GLIPR2: variants seen among roughly 807,000 people sequenced by gnomAD.
GLIPR2 encodes Golgi-associated plant pathogenesis-related protein 1.
In GLIPR2, 21 loss-of-function variants were observed where a neutral mutation model predicts 20.4. The ratio of observed to expected loss-of-function variants is 1.03; its 90% CI spans 0.73 to 1.48. GLIPR2 has a LOEUF of 1.48. Among genes scored for constraint, GLIPR2 ranks in the 40% most tolerant of loss-of-function variants. The probability of loss-of-function intolerance (pLI) is 0.00; values close to 1 mark genes in which losing one functional copy is unlikely to be tolerated. For synonymous variants in GLIPR2, 91 were observed against 80.5 expected (o/e 1.13, Z -0.70); for missense variants, 205 against 200.1 (o/e 1.02, Z -0.15).
intron 3 of GLIPR2, among the ~76,000 whole-genome samples, chr9:36,150,343 A>T (rs1051225573): frequency 6.6e-6 from 1 of 152,164 alleles, no homozygotes; most frequent in African/African-American, 2.4e-5. Context: ...ACGCCTGCCC[A>T]TATCAACACG....
Position 36,163,861 on chromosome 9 carries a change from C to G in GLIPR2, c.*1339C>G, listed in dbSNP as rs1326694478. ...TCTCAAGCTATGCCTCTAATTTCACCAGGGATATTGACTAAGAAGACAATA... is the reference window on the plus strand; with the variant it reads ...TCTCAAGCTATGCCTCTAATTTCACGAGGGATATTGACTAAGAAGACAATA... On this transcript the variant is annotated 3_prime_UTR_variant, in exon 5 of 5. Coordinates refer to ENST00000377960, the MANE Select transcript of GLIPR2 (RefSeq NM_022343.4). The G allele has an allele frequency of 1.3e-5, 2 of 152,696 alleles. No homozygotes were observed. The highest frequency in any genetic ancestry group is 4.8e-5 in the African/African-American group (2 of 41,464). The allele number at this position is 152,696 out of a possible 1,614,324, so 9.5% of individuals were successfully genotyped here.
intron 1 of GLIPR2, 137 bp from the exon 2 acceptor site, chr9:36,147,649 T>G (rs1587138013): frequency 1.5e-6 from 1 of 669,394 alleles, no homozygotes; most frequent in Non-Finnish European, 2.8e-6. Context: ...TTGGCTGGGG[T>G]GCCAGGTGTT....
intron 1 of GLIPR2, among the ~76,000 whole-genome samples, chr9:36,147,226 C>G (rs1256248401): frequency 6.6e-6 from 1 of 152,210 alleles, no homozygotes; most frequent in Non-Finnish European, 1.5e-5. Context: ...TTGTCTGTCT[C>G]TCTGTCTCCT....
At chr9:36,152,423 C>CGT (rs376556092) in intron 4 of GLIPR2, among the ~76,000 whole-genome samples, 3 of 152,072 alleles carry the variant, frequency 2.0e-5, no homozygotes, top group African/African-American at 4.8e-5. Context: ...TAGCACTCTG[C>CGT]GTGTGTGTGT....
chr9:36,162,467 G>A lies in GLIPR2; in HGVS notation c.410G>A (p.Gly137Glu), dbSNP rs1476929723. 1 of 1,614,174 alleles carries A rather than the reference G, an allele frequency of 6.2e-7. No homozygotes were observed. The highest frequency in any genetic ancestry group is 1.3e-5 in the African/African-American group (1 of 75,066). ...GTGGTGGCCAGATACTTCCCAGCGG[G>A]GAATGTTGTCAATGAGGGCTTCTTC... The part of the protein sequence containing the change: ...SFVVARYFPA[G>E]NVVNEGFFEE... Residue 137 changes from glycine to glutamate, a missense_variant, in exon 5 of 5, where the codon GGG becomes GAG. Coordinates refer to ENST00000377960, the MANE Select transcript of GLIPR2 (RefSeq NM_022343.4).
chr9:36,153,492 TC>T (rs956797449), intron 4 of GLIPR2, among the ~76,000 whole-genome samples: 1 of 152,120 alleles, frequency 6.6e-6, no homozygotes, highest in East Asian at 1.9e-4. Context: ...CCCTTAAAGA[TC>T]TTCATGCCCA....
At chr9:36,149,793 C>T (rs980752404) in intron 3 of GLIPR2, among the ~76,000 whole-genome samples, 14 of 152,264 alleles carry the variant, frequency 9.2e-5, no homozygotes, top group African/African-American at 2.4e-5. Context: ...TTTGGGAGGC[C>T]GAGGTGGGTG....
At chr9:36,153,833 G>A (rs2381436) in intron 4 of GLIPR2, among the ~76,000 whole-genome samples, 119,192 of 151,582 alleles carry the variant, frequency 0.79, 46,968 homozygotes, top group East Asian at 0.85. Flanking sequence ...CCCTGGAGGC[G>A]GAGGTTGTGG....
chr9:36,159,615 A>G (rs1265834587), intron 4 of GLIPR2, among the ~76,000 whole-genome samples: 1 of 152,180 alleles, frequency 6.6e-6, no homozygotes, highest in East Asian at 1.9e-4. Flanking sequence ...AGAATGGTAC[A>G]TAGGGGAAAA....
In GLIPR2 at chr9:36,136,950, G is replaced by C; in HGVS notation, c.13+159G>C. 1 of 865,644 alleles carries C rather than the reference G, an allele frequency of 1.2e-6. No individual in the cohort carries two copies. The highest frequency in any genetic ancestry group is 1.7e-5 in the African/African-American group (1 of 57,278). The allele number at this position is 865,644 out of a possible 1,614,324, so 53.6% of individuals were successfully genotyped here. On this transcript the variant is annotated intron_variant, in intron 1 of 4. Coordinates refer to ENST00000377960, the MANE Select transcript of GLIPR2 (RefSeq NM_022343.4). This position sits in a 1 kb window ranked among gnomAD's most constrained non-coding sequence, Gnocchi z 4.3. ...CGGAGCGCCCCGGCGCGGTTTCCGGGGAACCCGGGGGGAAGGCGAGCCCGA... is the reference window on the plus strand; with the variant it reads ...CGGAGCGCCCCGGCGCGGTTTCCGGCGAACCCGGGGGGAAGGCGAGCCCGA...
At chr9:36,156,392 A>C (rs1246624738) in intron 4 of GLIPR2, among the ~76,000 whole-genome samples, 2 of 92,396 alleles carry the variant, frequency 2.2e-5, no homozygotes, top group Non-Finnish European at 5.0e-5. Context: ...GTCTAAAAAA[A>C]AAAAAAAAAA....
Position 36,154,083 on chromosome 9 carries a change from T to TA in GLIPR2, c.304+3134_304+3135insA, listed in dbSNP as rs1554646384. Among the ~76,000 whole-genome samples the TA allele has an allele frequency of 3.5e-5, 3 of 85,664 alleles. No homozygotes were observed. The South Asian group carries it at 1.4e-3, about 40-fold the overall frequency. 56.2% of individuals were successfully genotyped at this position (85,664 alleles called of 152,430 possible). On this transcript the variant is annotated intron_variant, in intron 4 of 4. Coordinates refer to ENST00000377960, the MANE Select transcript of GLIPR2 (RefSeq NM_022343.4). Reference sequence around the variant, plus strand: ...TATATTATATATTATATATTATATATTATATATATATATCTTTTCCCCCCC... The same window carrying TA: ...TATATTATATATTATATATTATATATATATATATATATATCTTTTCCCCCCC...
intron 3 of GLIPR2, among the ~76,000 whole-genome samples, chr9:36,149,361 C>T (rs1034722454): frequency 4.6e-5 from 7 of 152,208 alleles, no homozygotes; most frequent in Non-Finnish European, 1.0e-4. Flanking sequence ...GGAGATCCCC[C>T]AAGTCCTCTT....
chr9:36,162,513 G>A lies in GLIPR2; in HGVS notation c.456G>A (p.Pro152=), dbSNP rs372441239. 181 of 1,614,044 alleles carry A rather than the reference G, an allele frequency of 1.1e-4. No individual in the cohort carries two copies. Among genetic ancestry groups the A allele is most frequent in the Non-Finnish European group, 1.4e-4 (166 of 1,180,028 alleles). Residue 152 remains proline (P), a synonymous_variant, in exon 5 of 5, where the codon CCG becomes CCA. Transcript: ENST00000377960. ...EGFFEENVLP[P]KK is the part of the protein sequence containing the mutation. Reference sequence around the variant, plus strand: ...TCTTCGAAGAAAACGTCCTGCCGCCGAAGAAGTAACTTGTTAAATGTAATG... The same window carrying A: ...TCTTCGAAGAAAACGTCCTGCCGCCAAAGAAGTAACTTGTTAAATGTAATG...
rs781281947 is a variant in GLIPR2 at position 36,162,393 on chromosome 9, C to G, written c.336C>G (p.Thr112=). ...GHFTAMVWKN[T]KKMGVGKASA... is the part of the protein sequence containing the mutation. Reference sequence around the variant, plus strand: ...TCACGGCCATGGTATGGAAGAACACCAAGAAGATGGGCGTGGGGAAGGCGT... The same window carrying G: ...TCACGGCCATGGTATGGAAGAACACGAAGAAGATGGGCGTGGGGAAGGCGT... Residue 112 remains threonine, a synonymous_variant, in exon 5 of 5, where the codon ACC becomes ACG. Coordinates refer to ENST00000377960, the MANE Select transcript of GLIPR2 (RefSeq NM_022343.4). 13 of 1,613,788 alleles carry G rather than the reference C, an allele frequency of 8.1e-6. No homozygotes were observed. Among genetic ancestry groups the G allele is most frequent in the East Asian group, 2.2e-5 (1 of 44,886 alleles).
At chr9:36,156,952 A>G (rs1825860306) in intron 4 of GLIPR2, among the ~76,000 whole-genome samples, 1 of 152,238 alleles carries the variant, frequency 6.6e-6, no homozygotes, top group African/African-American at 2.4e-5. Flanking sequence ...ACTTAGCATC[A>G]TGTTTTCAAG....
chr9:36,161,052 GAAAAGA>G (rs553481991), intron 4 of GLIPR2, among the ~76,000 whole-genome samples: 5 of 151,784 alleles, frequency 3.3e-5, no homozygotes, highest in African/African-American at 9.7e-5. Context: ...AAAAAAAAAA[GAAAAGA>G]AAAAGAAAAT....
chr9:36,157,151 G>T (rs1373940852), intron 4 of GLIPR2, among the ~76,000 whole-genome samples: 3 of 150,572 alleles, frequency 2.0e-5, no homozygotes, highest in Non-Finnish European at 4.4e-5. Flanking sequence ...TGAGTAGCTG[G>T]GATTATAGGC....
chr9:36,137,221 C>A (rs1271814804), intron 1 of GLIPR2, among the ~76,000 whole-genome samples: 1 of 152,114 alleles, frequency 6.6e-6, no homozygotes, highest in African/African-American at 2.4e-5. Context: ...CCTGAGCGCC[C>A]GCGCCGTGCC....
Sources: gnomAD v4.1 joint callset for allele counts (sites outside exome capture counted in the v4.1 genomes callset) on GRCh38, gnomAD v4.1.1 for gene constraint, Gnocchi (gnomAD v3.1) non-coding constraint, MANE v1.5 for transcripts, NCBI Gene and HGNC (gene_info 2026-07-23, HGNC 2026-07-21) for gene names.